Variants in DPP10 observed in about 807,000 individuals in gnomAD.
DPP10 encodes the protein inactive dipeptidyl peptidase 10.
In DPP10, 33 loss-of-function variants were observed where a neutral mutation model predicts 120.9. That is an observed-to-expected ratio of 0.27 (90% confidence interval 0.21 to 0.37). The LOEUF is 0.37. DPP10 is among the 10% of genes least tolerant of loss of function. The pLI is 1.00. For synonymous variants in DPP10, 337 were observed against 326.1 expected, an observed-to-expected ratio of 1.03 and a Z score of -0.36; for missense variants, 816 against 942.8, an observed-to-expected ratio of 0.87 and a Z score of 1.76.
intron 1 of DPP10, among the ~76,000 whole-genome samples, chr2:115,167,897 A>G (rs1045964069): frequency 2.0e-5 from 3 of 152,200 alleles, no homozygotes; most frequent in Non-Finnish European, 4.4e-5. Context: ...ACTTTGGCTA[A>G]TTCTCACCAA....
At chr2:114,715,850 C>T (rs1340603135) in intron 1 of DPP10, among the ~76,000 whole-genome samples, 1 of 151,398 alleles carries the variant, frequency 6.6e-6, no homozygotes, top group Non-Finnish European at 1.5e-5. Flanking sequence ...AAATAATATA[C>T]AAAATGAATC....
intron 5 of DPP10, among the ~76,000 whole-genome samples, chr2:115,597,902 A>G (rs1250937757): frequency 6.6e-6 from 1 of 152,040 alleles, no homozygotes; most frequent in Non-Finnish European, 1.5e-5. Context: ...AAAGTTGTCT[A>G]TTTCTCCCTT....
chr2:114,996,980 C>CAAAAAAA (rs34287029), intron 1 of DPP10, among the ~76,000 whole-genome samples: 2 of 66,472 alleles, frequency 3.0e-5, no homozygotes, highest in Admixed American at 1.8e-4. Flanking sequence ...GACTCCATCT[C>CAAAAAAA]AAAAAAAAAA....
At chr2:114,480,670 A>G (rs895056023) in intron 1 of DPP10, among the ~76,000 whole-genome samples, 2 of 139,660 alleles carry the variant, frequency 1.4e-5, no homozygotes, top group African/African-American at 5.3e-5. Context: ...GAACACATGG[A>G]CACAGGAAGG....
chr2:115,298,387 C>T (rs1229435280), intron 1 of DPP10, among the ~76,000 whole-genome samples: 2 of 152,038 alleles, frequency 1.3e-5, no homozygotes, highest in Non-Finnish European at 2.9e-5. Flanking sequence ...AAGCCACTAA[C>T]TCGTAATGCA....
intron 1 of DPP10, among the ~76,000 whole-genome samples, chr2:114,468,599 G>A (rs187611406): frequency 1.3e-5 from 2 of 152,224 alleles, no homozygotes; most frequent in Admixed American, 1.3e-4. Context: ...TAGCCTTAAT[G>A]TATCTGAAAT....
intron 1 of DPP10, among the ~76,000 whole-genome samples, chr2:114,799,450 A>ATAG (rs1684003701): frequency 6.6e-6 from 1 of 152,240 alleles, no homozygotes; most frequent in African/African-American, 2.4e-5. Flanking sequence ...GACTAAACAG[A>ATAG]CAGTAAAGAT....
intron 19 of DPP10, among the ~76,000 whole-genome samples, chr2:115,800,590 T>C (rs1444619666): frequency 1.3e-5 from 2 of 152,130 alleles, no homozygotes; most frequent in African/African-American, 2.4e-5. Flanking sequence ...AAGTCTTTAA[T>C]CCATCTTGAA....
chr2:115,054,726 T>A (rs1005575775), intron 1 of DPP10, among the ~76,000 whole-genome samples: 2 of 151,924 alleles, frequency 1.3e-5, no homozygotes, highest in African/African-American at 4.8e-5. Context: ...GCCTGGCCAA[T>A]ATGCTGAAAC....
At chr2:115,200,091 A>G (rs994319355) in intron 1 of DPP10, among the ~76,000 whole-genome samples, 8 of 152,312 alleles carry the variant, frequency 5.3e-5, no homozygotes, top group African/African-American at 1.9e-4. Flanking sequence ...GCATCTGAGA[A>G]GCAGAGTGCT....
intron 1 of DPP10, among the ~76,000 whole-genome samples, chr2:115,178,582 A>G (rs989695747): frequency 1.3e-5 from 2 of 152,220 alleles, no homozygotes; most frequent in Non-Finnish European, 2.9e-5. Context: ...ATTGATGGTT[A>G]TTATGATATG....
intron 1 of DPP10, among the ~76,000 whole-genome samples, chr2:115,131,297 T>C (rs2050344535): frequency 6.6e-6 from 1 of 152,194 alleles, no homozygotes; most frequent in African/African-American, 2.4e-5. Flanking sequence ...GGAGCATTAC[T>C]TGATTCCAGG....
At chr2:115,310,075 T>G (rs1244101183) in intron 2 of DPP10, among the ~76,000 whole-genome samples, 1 of 152,114 alleles carries the variant, frequency 6.6e-6, no homozygotes, top group Non-Finnish European at 1.5e-5. Context: ...TTCAGTTGTC[T>G]TCCAGATACA....
intron 1 of DPP10, among the ~76,000 whole-genome samples, chr2:115,136,151 C>A (rs913853322): frequency 1.7e-5 from 2 of 115,812 alleles, no homozygotes; most frequent in African/African-American, 6.7e-5. Context: ...ACAGCAGCTA[C>A]CTGGTTTATG....
intron 24 of DPP10, among the ~76,000 whole-genome samples, chr2:115,839,197 C>T (rs915903151): frequency 6.6e-6 from 1 of 152,100 alleles, no homozygotes; most frequent in Non-Finnish European, 1.5e-5. Flanking sequence ...GTCATTTTCC[C>T]ATTAAGTGCC....
chr2:115,386,732 G>A (rs1402545372), intron 3 of DPP10, among the ~76,000 whole-genome samples: 2 of 152,144 alleles, frequency 1.3e-5, no homozygotes, highest in Admixed American at 6.5e-5. Context: ...AGGAAGGACA[G>A]AGGTTTTCCT....
At chr2:115,389,721 G>A (rs2067198406) in intron 3 of DPP10, among the ~76,000 whole-genome samples, 1 of 152,072 alleles carries the variant, frequency 6.6e-6, no homozygotes, top group African/African-American at 2.4e-5. Context: ...TCAACCTAAT[G>A]CGTGAGGCAT....
At chr2:114,705,990 G>A (rs1317026976) in intron 1 of DPP10, among the ~76,000 whole-genome samples, 1 of 152,332 alleles carries the variant, frequency 6.6e-6, no homozygotes, top group East Asian at 1.9e-4. Flanking sequence ...ACACTGACAG[G>A]AGGAGAGAGT....
chr2:114,749,777 G>A (rs796744086), intron 1 of DPP10, among the ~76,000 whole-genome samples: 3 of 151,664 alleles, frequency 2.0e-5, no homozygotes, highest in South Asian at 2.1e-4. Flanking sequence ...ATACATGAAC[G>A]CCAAAGAGAA....
Sources: allele counts gnomAD v4.1 joint callset (sites outside exome capture counted in the v4.1 genomes callset), GRCh38; gene constraint gnomAD v4.1.1; transcripts MANE v1.5; gene names NCBI Gene and HGNC (gene_info 2026-07-23, HGNC 2026-07-21).